The following P2RY6 variants were observed in gnomAD, a reference collection of about 807,000 sequenced individuals.
P2RY6 encodes P2Y purinoceptor 6.
In P2RY6, 19 loss-of-function variants were observed where a neutral mutation model predicts 16.3. The observed-to-expected ratio is 1.16, with a 90% CI of 0.81 to 1.71. P2RY6 has a LOEUF of 1.71. P2RY6 is among the 40% of genes most tolerant of loss of function. P2RY6 has a pLI of 0.00. For missense variants in P2RY6, 389 were observed against 455.5 expected (o/e 0.85, Z 1.33); for synonymous variants, 184 against 201.5 (o/e 0.91, Z 0.74).
intron 1 of P2RY6, among the ~76,000 whole-genome samples, chr11:73,280,316 C>T (rs1863707259): frequency 6.6e-6 from 1 of 152,170 alleles, no homozygotes; most frequent in Non-Finnish European, 1.5e-5. Flanking sequence ...TTGCGGGGTC[C>T]TTATGAGGAT....
At chr11:73,266,321 TG>T (rs1197713055) in intron 1 of P2RY6, among the ~76,000 whole-genome samples, 1 of 152,076 alleles carries the variant, frequency 6.6e-6, no homozygotes, top group Non-Finnish European at 1.5e-5. Flanking sequence ...GGGGCAGCCA[TG>T]GGCTTGGATG....
chr11:73,276,319 C>T (rs1313294343), intron 1 of P2RY6, among the ~76,000 whole-genome samples: 1 of 152,160 alleles, frequency 6.6e-6, no homozygotes, highest in Admixed American at 6.5e-5. Flanking sequence ...TTAGGCAGCA[C>T]CTCAAAAGTT....
intron 1 of P2RY6, among the ~76,000 whole-genome samples, chr11:73,277,453 AG>A (rs1863584988): frequency 6.6e-6 from 1 of 152,238 alleles, no homozygotes; most frequent in Non-Finnish European, 1.5e-5. Flanking sequence ...GAAAGTGGGA[AG>A]GGCCTGTAAT....
intron 1 of P2RY6, among the ~76,000 whole-genome samples, chr11:73,265,908 T>A (rs916388030): frequency 1.3e-5 from 2 of 152,224 alleles, no homozygotes; most frequent in Non-Finnish European, 2.9e-5. Context: ...TCTTCCTTTG[T>A]AAAATGTAGA....
intron 1 of P2RY6, among the ~76,000 whole-genome samples, chr11:73,264,940 C>T (rs1384632986): frequency 6.6e-6 from 1 of 152,188 alleles, no homozygotes; most frequent in African/African-American, 2.4e-5. Flanking sequence ...ACCCATGGAT[C>T]ACAGTGTGTG....
chr11:73,296,234 ATATATAT>A (rs534436674), intron 2 of P2RY6, among the ~76,000 whole-genome samples: 3,028 of 98,842 alleles, frequency 0.031, 115 homozygotes, highest in African/African-American at 0.13. Flanking sequence ...AAAAAAAAAA[ATATATAT>A]ATATATATAT....
chr11:73,269,454 C>T (rs907594113), upstream of P2RY6, among the ~76,000 whole-genome samples: 1 of 152,164 alleles, frequency 6.6e-6, no homozygotes, highest in African/African-American at 2.4e-5. Flanking sequence ...ACATCTGGGA[C>T]AGTTTGAAGA....
intron 1 of P2RY6, among the ~76,000 whole-genome samples, chr11:73,286,245 C>T (rs917831451): frequency 6.6e-6 from 1 of 152,168 alleles, no homozygotes; most frequent in Admixed American, 6.5e-5. Flanking sequence ...CAGGTGGGCT[C>T]AGGCCCCAGG....
intron 1 of P2RY6, among the ~76,000 whole-genome samples, chr11:73,278,404 C>T (rs1173478798): frequency 6.6e-6 from 1 of 152,052 alleles, no homozygotes; most frequent in Non-Finnish European, 1.5e-5. Context: ...AGGTGATCTG[C>T]CCACCCGCCT....
intron 1 of P2RY6, among the ~76,000 whole-genome samples, chr11:73,283,591 C>A (rs1266587056): frequency 6.6e-6 from 1 of 152,212 alleles, no homozygotes; most frequent in Non-Finnish European, 1.5e-5. Flanking sequence ...TGGAGATTTC[C>A]TTGTGGATGG....
chr11:73,279,419 A>T (rs1863669114), intron 1 of P2RY6, among the ~76,000 whole-genome samples: 1 of 152,192 alleles, frequency 6.6e-6, no homozygotes, highest in South Asian at 2.1e-4. Context: ...GTTCTTGCCT[A>T]TGCTTTTGGT....
At chr11:73,269,345 C>T (rs1010874460), upstream of P2RY6, among the ~76,000 whole-genome samples, 18 of 152,150 alleles carry the variant, frequency 1.2e-4, no homozygotes, top group Admixed American at 9.2e-4. Context: ...GGAGAGCCTG[C>T]GCCTGAAAGT....
chr11:73,271,297 G>C (rs976016731), upstream of P2RY6, among the ~76,000 whole-genome samples: 5 of 152,156 alleles, frequency 3.3e-5, no homozygotes, highest in African/African-American at 7.2e-5. Flanking sequence ...CTCCATCTTC[G>C]GTGCTGTAGC....
chr11:73,266,686 G>A (rs957265643), intron 1 of P2RY6, among the ~76,000 whole-genome samples: 1 of 152,214 alleles, frequency 6.6e-6, no homozygotes, highest in African/African-American at 2.4e-5. Context: ...GAGGACAAGG[G>A]GACATAAAAG....
At chr11:73,292,760 T>C (rs1169657268) in intron 1 of P2RY6, 2 of 983,934 alleles carry the variant, frequency 2.0e-6, no homozygotes, top group Admixed American at 6.1e-5. Flanking sequence ...GGGGCTCTTT[T>C]AGTCAGAGAC....
intron 1 of P2RY6, among the ~76,000 whole-genome samples, chr11:73,288,612 C>G (rs1377956359): frequency 6.6e-6 from 1 of 152,236 alleles, no homozygotes; most frequent in Non-Finnish European, 1.5e-5. Context: ...CTTTAGGAAT[C>G]TGGCCTCAAG....
chr11:73,296,359 G>C (rs1471210765), intron 2 of P2RY6, 126 bp from the exon 3 acceptor site: 1 of 642,442 alleles, frequency 1.6e-6, no homozygotes, highest in East Asian at 2.6e-5. Context: ...GGGGTGGTTA[G>C]AGTAGCCGAG....
intron 1 of P2RY6, among the ~76,000 whole-genome samples, chr11:73,277,170 G>C (rs1234607328): frequency 1.3e-5 from 2 of 151,404 alleles, no homozygotes; most frequent in Non-Finnish European, 2.9e-5. Context: ...CTGAAGTGCA[G>C]TGGCACAATC....
rs1863897579 is a variant in P2RY6 at position 73,284,674 on chromosome 11, A to G, written c.-120-11056A>G. On this transcript the variant is annotated intron_variant, in intron 1 of 2. Coordinates refer to ENST00000540124, the MANE Select transcript of P2RY6 (RefSeq NM_001277204.2). ...GTACAAACTACAGCTTGCTACATGAATAGCCTCAAGCCAAGACCCCCGTGC... is the reference window on the plus strand; with the variant it reads ...GTACAAACTACAGCTTGCTACATGAGTAGCCTCAAGCCAAGACCCCCGTGC... 2.6e-5 allele frequency among the ~76,000 whole-genome samples: 4 copies of G among 152,196 alleles called. 1 individual carries two copies. The South Asian group carries it at 6.2e-4, about 24-fold the overall frequency.
Sources: allele counts gnomAD v4.1 joint callset (sites outside exome capture counted in the v4.1 genomes callset), GRCh38; gene constraint gnomAD v4.1.1; transcripts MANE v1.5; gene names NCBI Gene and HGNC (gene_info 2026-07-23, HGNC 2026-07-21).